Variants in PHC2 observed in about 807,000 individuals in gnomAD.
PHC2 encodes the protein polyhomeotic-like protein 2.
Under a neutral mutation model 87.4 loss-of-function variants are expected in PHC2, and 29 were observed. The ratio of observed to expected loss-of-function variants is 0.33; its 90% CI spans 0.25 to 0.45. The LOEUF (loss-of-function observed/expected upper bound fraction) is 0.45, where lower values mean the gene tolerates loss of function less well. PHC2 is among the 20% of genes least tolerant of loss of function. The pLI, the probability that PHC2 is intolerant of heterozygous loss-of-function variation, is 1.00. For synonymous variants in PHC2, 438 were observed against 461.7 expected, an observed-to-expected ratio of 0.95 and a Z score of 0.66; for missense variants, 857 against 1,136.7, an observed-to-expected ratio of 0.75 and a Z score of 3.54.
Position 33,349,628 on chromosome 1 carries a change from G to C in PHC2, c.1558+4773C>G. 3 of 983,492 alleles carry C rather than the reference G, an allele frequency of 3.1e-6. No individual in the cohort carries two copies. Among genetic ancestry groups the C allele is most frequent in the Non-Finnish European group, 3.6e-6 (3 of 829,270 alleles). 60.9% of individuals were successfully genotyped at this position (983,492 alleles called of 1,614,324 possible). A position where few individuals can be genotyped will look rare whatever the true frequency, so the allele number is the denominator to read the frequency against. On this transcript the variant is annotated intron_variant, in intron 9 of 14. Transcript: ENST00000683057. The surrounding 1 kb of genome is among the most constrained non-coding windows in gnomAD (Gnocchi z 4.2). ...AGGGCCCGGCTGGGCCTGGCCGGGC[G>C]GGGCCTACGCAGCCCCTCGGCCGGG...
intron 1 of PHC2, among the ~76,000 whole-genome samples, chr1:33,391,694 TTAA>T (rs1649060710): frequency 1.3e-5 from 2 of 150,530 alleles, no homozygotes; most frequent in Admixed American, 6.6e-5. Context: ...ATCATTTAAA[TTAA>T]ATGCCTTCTA....
At chr1:33,342,493 G>A (rs1420743050) in intron 9 of PHC2, among the ~76,000 whole-genome samples, 1 of 152,196 alleles carries the variant, frequency 6.6e-6, no homozygotes, top group Non-Finnish European at 1.5e-5. Flanking sequence ...TATGCAGGAA[G>A]GAATCAATGG....
At chr1:33,412,996 C>T (rs1392195082) in intron 1 of PHC2, among the ~76,000 whole-genome samples, 3 of 152,034 alleles carry the variant, frequency 2.0e-5, no homozygotes, top group Admixed American at 6.6e-5. Flanking sequence ...GATGGAGTCT[C>T]GCTCTTGTCA....
At position 33,347,777 on chromosome 1, in the gene PHC2, G is replaced by A. The variant is rs537084847; in HGVS notation, c.1558+6624C>T. 69 of 970,548 alleles carry A rather than the reference G, an allele frequency of 7.1e-5. No homozygotes were observed. In the African/African-American group the frequency reaches 1.1e-3, roughly 16 times the overall value. 60.1% of individuals were successfully genotyped at this position (970,548 alleles called of 1,614,324 possible). A position where few individuals can be genotyped will look rare whatever the true frequency, so the allele number is the denominator to read the frequency against. ...AAGCAGAGCTCATGTGATGAAGAGT[G>A]CCTGGAAAGGGCAGGTGCCAAAAGA... On this transcript the variant is annotated intron_variant, in intron 9 of 14. Coordinates refer to ENST00000683057, the MANE Select transcript of PHC2 (RefSeq NM_001385109.1).
At chr1:33,351,345 A>G (rs1646968366) in intron 9 of PHC2, among the ~76,000 whole-genome samples, 2 of 152,228 alleles carry the variant, frequency 1.3e-5, no homozygotes, top group Non-Finnish European at 2.9e-5. Context: ...CTGTACGAAC[A>G]CTGGCAATGT....
At chr1:33,325,168 C>G (rs925474858) in intron 14 of PHC2, 149 bp from the exon 15 acceptor site, 13 of 776,730 alleles carry the variant, frequency 1.7e-5, no homozygotes, top group Middle Eastern at 2.6e-4. Context: ...CGCTGCTGTT[C>G]TTATTTTGCA....
intron 9 of PHC2, among the ~76,000 whole-genome samples, chr1:33,350,122 G>C (rs1646940483): frequency 1.3e-5 from 2 of 152,014 alleles, no homozygotes. Context: ...CTGATAGCCG[G>C]TGCAAGTGCT....
intron 2 of PHC2, 136 bp from the exon 3 acceptor site, chr1:33,372,583 AATT>A: frequency 1.8e-6 from 1 of 548,640 alleles, no homozygotes; most frequent in Non-Finnish European, 2.7e-6. Flanking sequence ...CACCACAGCC[AATT>A]GTGGCCACTC....
intron 1 of PHC2, among the ~76,000 whole-genome samples, chr1:33,396,971 G>A (rs889123341): frequency 5.3e-5 from 8 of 152,184 alleles, no homozygotes; most frequent in African/African-American, 1.9e-4. Flanking sequence ...TTGGTTTAGT[G>A]TTAACACGAG....
intron 9 of PHC2, among the ~76,000 whole-genome samples, chr1:33,351,127 T>C (rs1195032678): frequency 6.6e-6 from 1 of 152,224 alleles, no homozygotes; most frequent in Non-Finnish European, 1.5e-5. Context: ...GGTCACACGG[T>C]CTGTGGCAAC....
At position 33,349,636 on chromosome 1, in the gene PHC2, C is replaced by T; in HGVS notation, c.1558+4765G>A. On this transcript the variant is annotated intron_variant, in intron 9 of 14. Transcript: ENST00000683057. This position sits in a 1 kb window ranked among gnomAD's most constrained non-coding sequence, Gnocchi z 4.2. ...GCTGGGCCTGGCCGGGCGGGGCCTA[C>T]GCAGCCCCTCGGCCGGGCGCCGACT... 1.0e-6 allele frequency: 1 copy of T among 983,432 alleles called. No individual in the cohort carries two copies. The highest frequency in any genetic ancestry group is 1.2e-6 in the Non-Finnish European group (1 of 829,362). 60.9% of individuals were successfully genotyped at this position (983,432 alleles called of 1,614,324 possible).
At chr1:33,370,293 C>A in intron 5 of PHC2, 128 bp downstream of exon 5, 3 of 827,008 alleles carry the variant, frequency 3.6e-6, no homozygotes, top group East Asian at 2.6e-5. Context: ...CCTTCTTTAT[C>A]CCACCCCTTA....
intron 1 of PHC2, among the ~76,000 whole-genome samples, chr1:33,393,584 T>C (rs987905253): frequency 4.7e-5 from 7 of 149,618 alleles, no homozygotes; most frequent in Non-Finnish European, 8.9e-5. Flanking sequence ...ACCAGAACCA[T>C]ATGAAGTGGA....
chr1:33,349,803 G>A lies in PHC2; in HGVS notation c.1558+4598C>T. The A allele has an allele frequency of 1.0e-6, 1 of 977,536 alleles. No individual in the cohort carries two copies. Among genetic ancestry groups the A allele is most frequent in the Non-Finnish European group, 1.2e-6 (1 of 825,646 alleles). The allele number at this position is 977,536 out of a possible 1,614,324, so 60.6% of individuals were successfully genotyped here. A position where few individuals can be genotyped will look rare whatever the true frequency, so the allele number is the denominator to read the frequency against. ...GCGGCCGGGGCGCGAGGCCGGGACG[G>A]GGGCGCGAGGCCGGGGCGGGAGCGC... On this transcript the variant is annotated intron_variant, in intron 9 of 14. Coordinates refer to ENST00000683057, the MANE Select transcript of PHC2 (RefSeq NM_001385109.1). This position sits in a 1 kb window ranked among gnomAD's most constrained non-coding sequence, Gnocchi z 4.2.
At chr1:33,342,393 G>A (rs895813393) in intron 9 of PHC2, among the ~76,000 whole-genome samples, 3 of 152,170 alleles carry the variant, frequency 2.0e-5, no homozygotes, top group Admixed American at 1.3e-4. Flanking sequence ...CAAAGAGAAC[G>A]GCCCTTCTGA....
intron 1 of PHC2, among the ~76,000 whole-genome samples, chr1:33,400,744 C>T (rs1649488734): frequency 6.6e-6 from 1 of 152,042 alleles, no homozygotes. Context: ...TACTCTGAAG[C>T]AGTTAAAATA....
chr1:33,329,582 C>G (rs1291394701), intron 13 of PHC2, among the ~76,000 whole-genome samples: 1 of 152,204 alleles, frequency 6.6e-6, no homozygotes, highest in Non-Finnish European at 1.5e-5. Flanking sequence ...TCCTTAGAGC[C>G]TAGTGCCTAA....
At chr1:33,354,793 T>C (rs759607175) in intron 8 of PHC2, 45 bp downstream of exon 8, 1 of 1,583,328 alleles carries the variant, frequency 6.3e-7, no homozygotes, top group East Asian at 2.2e-5. Flanking sequence ...GTCCGAGCTG[T>C]GGCCACCCCG....
At chr1:33,362,447 G>A (rs750607977) in intron 7 of PHC2, among the ~76,000 whole-genome samples, 4 of 152,188 alleles carry the variant, frequency 2.6e-5, no homozygotes, top group Non-Finnish European at 5.9e-5. Flanking sequence ...ATGCAGTGGG[G>A]TGATGTCTAT....
Sources: gnomAD v4.1 joint callset for allele counts (sites outside exome capture counted in the v4.1 genomes callset) on GRCh38, gnomAD v4.1.1 for gene constraint, Gnocchi (gnomAD v3.1) non-coding constraint, MANE v1.5 for transcripts, NCBI Gene and HGNC (gene_info 2026-07-23, HGNC 2026-07-21) for gene names.